Variants in MALRD1 observed in about 807,000 individuals in gnomAD.
MALRD1 encodes MAM and LDL receptor class A domain containing 1.
In MALRD1, 247 loss-of-function variants were observed where a neutral mutation model predicts 242.1. That is an observed-to-expected ratio of 1.02 (90% confidence interval 0.92 to 1.13). The LOEUF is 1.13. Ranked by LOEUF, MALRD1 falls within the 50% of genes most tolerant of loss-of-function variation. MALRD1 has a pLI of 0.00. For synonymous variants in MALRD1, 995 were observed against 866.6 expected (o/e 1.15, Z -2.60); for missense variants, 2,989 against 2,533.1 (o/e 1.18, Z -3.86).
intron 36 of MALRD1, among the ~76,000 whole-genome samples, chr10:19,640,656 C>T (rs980520418): frequency 2.6e-5 from 4 of 152,112 alleles, no homozygotes; most frequent in Non-Finnish European, 5.9e-5. Context: ...TGGTATCCAA[C>T]AGCATCTAAT....
intron 36 of MALRD1, among the ~76,000 whole-genome samples, chr10:19,622,304 T>C (rs960004708): frequency 6.6e-6 from 1 of 151,718 alleles, no homozygotes; most frequent in African/African-American, 2.4e-5. Flanking sequence ...AAAATTAGTA[T>C]TCTTAGATTA....
chr10:19,520,374 A>G lies in MALRD1; in HGVS notation c.5321-10820A>G, dbSNP rs574935223. On this transcript the variant is annotated intron_variant, in intron 31 of 39. Coordinates refer to ENST00000454679, the MANE Select transcript of MALRD1 (RefSeq NM_001142308.3). ...GCATTTTGTCTACCAATGGCTCAAA[A>G]CAAGTATGTTTTTTCTGTCCTTCTT... 4.0e-5 allele frequency among the ~76,000 whole-genome samples: 6 copies of G among 151,168 alleles called. No homozygotes were observed. In the South Asian group the frequency reaches 1.3e-3, roughly 32 times the overall value.
intron 36 of MALRD1, among the ~76,000 whole-genome samples, chr10:19,682,005 G>T (rs1842391933): frequency 6.6e-6 from 1 of 151,474 alleles, no homozygotes; most frequent in Non-Finnish European, 1.5e-5. Context: ...CTAATTTCTG[G>T]GATACCAACA....
In MALRD1 at chr10:19,086,696, T is replaced by C. The variant is rs1339702113; in HGVS notation, c.341-1144T>C. Among the ~76,000 whole-genome samples the C allele has an allele frequency of 1.3e-5, 2 of 152,078 alleles. 1 individual carries two copies. Among genetic ancestry groups the C allele is most frequent in the Non-Finnish European group, 2.9e-5 (2 of 67,988 alleles). ...GAGTTGAAGAAGGAAGAAAGAAACA[T>C]GAAAAGTGGCTCATCAGTCAGAAAC... On this transcript the variant is annotated intron_variant, in intron 2 of 39. Coordinates refer to ENST00000454679, the MANE Select transcript of MALRD1 (RefSeq NM_001142308.3).
chr10:19,489,072 G>C (rs1334101841), intron 29 of MALRD1: 3 of 459,660 alleles, frequency 6.5e-6, no homozygotes, highest in South Asian at 4.6e-5. Context: ...GCCAGGCACC[G>C]CGCACGCGCC....
chr10:19,560,398 G>A (rs1835910540), intron 32 of MALRD1, among the ~76,000 whole-genome samples: 1 of 152,128 alleles, frequency 6.6e-6, no homozygotes, highest in Non-Finnish European at 1.5e-5. Flanking sequence ...AACCCAGGAG[G>A]CAGAGGTTGC....
chr10:19,398,104 C>T (rs533683957), intron 28 of MALRD1, among the ~76,000 whole-genome samples: 1 of 152,136 alleles, frequency 6.6e-6, no homozygotes, highest in South Asian at 2.1e-4. Context: ...TTATACCATT[C>T]TGTAGATTGT....
intron 28 of MALRD1, among the ~76,000 whole-genome samples, chr10:19,446,487 C>G (rs943029681): frequency 4.6e-5 from 7 of 152,150 alleles, no homozygotes; most frequent in African/African-American, 1.7e-4. Flanking sequence ...ATATTCACTT[C>G]AAACATATGA....
At chr10:19,384,673 A>G (rs1350564246) in intron 26 of MALRD1, among the ~76,000 whole-genome samples, 1 of 135,970 alleles carries the variant, frequency 7.4e-6, no homozygotes, top group Non-Finnish European at 1.5e-5. Flanking sequence ...ACTATATATT[A>G]TATAATATAT....
intron 18 of MALRD1, among the ~76,000 whole-genome samples, chr10:19,214,050 A>T (rs921688631): frequency 6.6e-6 from 1 of 152,172 alleles, no homozygotes; most frequent in African/African-American, 2.4e-5. Flanking sequence ...TCTTTCCCCA[A>T]CCATAGGTAC....
chr10:19,452,025 CT>C (rs1450820479), intron 29 of MALRD1, among the ~76,000 whole-genome samples: 1 of 152,172 alleles, frequency 6.6e-6, no homozygotes, highest in Non-Finnish European at 1.5e-5. Flanking sequence ...TGAGAATATG[CT>C]TCTTGAACTC....
At chr10:19,161,549 G>GAAAAAAAAAAAA (rs1491548638) in intron 12 of MALRD1, among the ~76,000 whole-genome samples, 11 of 11,490 alleles carry the variant, frequency 9.6e-4, no homozygotes, top group East Asian at 2.2e-3. Flanking sequence ...GAAAAAAAAA[G>GAAAAAAAAAAAA]CAAAAAAAAA....
chr10:19,301,777 G>A (rs916054802), intron 21 of MALRD1, among the ~76,000 whole-genome samples: 5 of 151,638 alleles, frequency 3.3e-5, no homozygotes, highest in African/African-American at 9.7e-5. Context: ...CTCATTATCT[G>A]ATGACAAAAT....
chr10:19,731,879 G>C (rs966264419), intron 39 of MALRD1, among the ~76,000 whole-genome samples: 1 of 152,046 alleles, frequency 6.6e-6, no homozygotes, highest in Non-Finnish European at 1.5e-5. Context: ...TTTTTATCTT[G>C]TTCCTGGTTA....
At chr10:19,639,492 A>G (rs1840291905) in intron 36 of MALRD1, among the ~76,000 whole-genome samples, 1 of 152,166 alleles carries the variant, frequency 6.6e-6, no homozygotes, top group African/African-American at 2.4e-5. Flanking sequence ...TCAGCAACAA[A>G]AATAACACTT....
At chr10:19,336,732 GTAGA>G (rs972325164) in intron 24 of MALRD1, among the ~76,000 whole-genome samples, 99 of 152,180 alleles carry the variant, frequency 6.5e-4, no homozygotes, top group African/African-American at 2.3e-3. Flanking sequence ...TGCTAAGCCA[GTAGA>G]TAGAGAAAAA....
At chr10:19,476,722 C>A (rs1441336892) in intron 29 of MALRD1, among the ~76,000 whole-genome samples, 1 of 152,154 alleles carries the variant, frequency 6.6e-6, no homozygotes, top group South Asian at 2.1e-4. Context: ...TTTGTGTTTA[C>A]TTTGGACACC....
intron 1 of MALRD1, among the ~76,000 whole-genome samples, chr10:19,066,437 A>G (rs1834982634): frequency 1.3e-5 from 2 of 152,200 alleles, no homozygotes; most frequent in African/African-American, 4.8e-5. Flanking sequence ...AAGCTAAGAC[A>G]GTTAGTTAAT....
At chr10:19,435,457 G>C (rs1428552539) in intron 28 of MALRD1, among the ~76,000 whole-genome samples, 1 of 152,076 alleles carries the variant, frequency 6.6e-6, no homozygotes, top group Admixed American at 6.6e-5. Flanking sequence ...CCTCCTGCTG[G>C]TTGTGACAGT....
Sources: allele counts gnomAD v4.1 joint callset (sites outside exome capture counted in the v4.1 genomes callset), GRCh38; gene constraint gnomAD v4.1.1; transcripts MANE v1.5; gene names NCBI Gene and HGNC (gene_info 2026-07-23, HGNC 2026-07-21).